The following SLC9B1 variants were observed in gnomAD, a reference collection of about 807,000 sequenced individuals.
SLC9B1 encodes the protein solute carrier family 9 member B1, also known as sodium/hydrogen exchanger 9B1.
A neutral mutation model predicts 51.7 loss-of-function variants in SLC9B1; 32 were observed. The ratio of observed to expected loss-of-function variants is 0.62; its 90% CI spans 0.47 to 0.83. The LOEUF (loss-of-function observed/expected upper bound fraction) is 0.83. SLC9B1 is among the 40% of genes least tolerant of loss of function. The probability of loss-of-function intolerance (pLI) is 0.00; values close to 1 mark genes in which losing one functional copy is unlikely to be tolerated. For synonymous variants in SLC9B1, 145 were observed against 212.7 expected (o/e 0.68, Z 2.77); for missense variants, 406 against 613.2 (o/e 0.66, Z 3.57).
chr4:102,981,463 T>C (rs1233057177), intron 3 of SLC9B1, among the ~76,000 whole-genome samples: 1 of 152,160 alleles, frequency 6.6e-6, no homozygotes, highest in African/African-American at 2.4e-5. Context: ...TTTGTACAAC[T>C]CCCACCTGCA....
chr4:102,959,420 T>A (rs993682946), intron 3 of SLC9B1, among the ~76,000 whole-genome samples: 2 of 152,204 alleles, frequency 1.3e-5, no homozygotes, highest in African/African-American at 4.8e-5. Context: ...AATGAACTAG[T>A]GAGCATGAAA....
intron 7 of SLC9B1, among the ~76,000 whole-genome samples, chr4:102,922,989 G>A (rs1259381347): frequency 6.6e-6 from 1 of 152,138 alleles, no homozygotes; most frequent in African/African-American, 2.4e-5. Context: ...ACAAAGAGGA[G>A]CTGGTACCAT....
At chr4:102,945,350 C>T in intron 5 of SLC9B1, 30 bp from the exon 6 acceptor site, 2 of 1,495,772 alleles carry the variant, frequency 1.3e-6, no homozygotes, top group South Asian at 2.9e-5. Flanking sequence ...CACTTAGATA[C>T]ATTTACAATG....
intron 6 of SLC9B1, among the ~76,000 whole-genome samples, chr4:102,933,580 C>T (rs1371689906): frequency 6.6e-6 from 1 of 152,122 alleles, no homozygotes; most frequent in Non-Finnish European, 1.5e-5. Context: ...AGCTGTATGC[C>T]TTCACTTAAG....
At chr4:102,930,673 T>TG (rs1173322789) in intron 7 of SLC9B1, among the ~76,000 whole-genome samples, 1 of 151,696 alleles carries the variant, frequency 6.6e-6, no homozygotes, top group Non-Finnish European at 1.5e-5. Flanking sequence ...CCTCCCAAAG[T>TG]GCTGGGATTA....
chr4:103,014,974 T>TA (rs1184866219), intron 1 of SLC9B1: 2 of 152,150 alleles, frequency 1.3e-5, no homozygotes, highest in African/African-American at 4.8e-5. Flanking sequence ...AATAAAAGCA[T>TA]AAAATGTAAG....
chr4:102,885,446 A>T lies in SLC9B1; in HGVS notation c.1333-118T>A, dbSNP rs1224310922. 1 of 1,603,362 alleles carries T rather than the reference A, an allele frequency of 6.2e-7. No homozygotes were observed. Among genetic ancestry groups the T allele is most frequent in the Admixed American group, 1.7e-5 (1 of 60,004 alleles). ...TTCTAAAACGGTAAGATGTCTGTTT[A>T]CGTGTACACTAAAATTTTGCAGTGC... On this transcript the variant is annotated intron_variant, in intron 11 of 11. Coordinates refer to the SLC9B1 transcript ENST00000394789.
At chr4:103,012,098 G>T (rs1030581741) in intron 1 of SLC9B1, among the ~76,000 whole-genome samples, 4 of 152,090 alleles carry the variant, frequency 2.6e-5, no homozygotes, top group Non-Finnish European at 4.4e-5. Context: ...CTTCCTTTTT[G>T]ATTATAAATT....
intron 3 of SLC9B1, among the ~76,000 whole-genome samples, chr4:102,968,159 T>C (rs1471428595): frequency 6.6e-6 from 1 of 152,198 alleles, no homozygotes; most frequent in Non-Finnish European, 1.5e-5. Flanking sequence ...GAGAGATAGA[T>C]AGATCAATGG....
At chr4:102,977,878 T>C (rs1739155950) in intron 3 of SLC9B1, among the ~76,000 whole-genome samples, 1 of 152,212 alleles carries the variant, frequency 6.6e-6, no homozygotes, top group Non-Finnish European at 1.5e-5. Context: ...TACATATGTA[T>C]ACATGTGCCA....
intron 3 of SLC9B1, among the ~76,000 whole-genome samples, chr4:102,982,120 T>C (rs926862702): frequency 6.6e-6 from 1 of 152,090 alleles, no homozygotes; most frequent in Admixed American, 6.6e-5. Flanking sequence ...TGCATCCATG[T>C]GGAGGTCCAT....
chr4:102,996,469 A>G (rs1414552988), intron 1 of SLC9B1, among the ~76,000 whole-genome samples: 2 of 152,094 alleles, frequency 1.3e-5, no homozygotes, highest in Admixed American at 1.3e-4. Context: ...GAGAATGTTT[A>G]TTCTCCTATA....
intron 11 of SLC9B1, chr4:102,887,727 T>C (rs1318764364): frequency 9.5e-6 from 2 of 210,232 alleles, no homozygotes; most frequent in Admixed American, 5.4e-5. Context: ...AATATCAATA[T>C]TTTCAACAGG....
At chr4:102,959,530 TA>T (rs147477866) in intron 3 of SLC9B1, among the ~76,000 whole-genome samples, 17,743 of 152,252 alleles carry the variant, frequency 0.12, 1,108 homozygotes, top group Admixed American at 0.16. Flanking sequence ...TGAGGAAAGA[TA>T]TTTTTTAGGA....
intron 3 of SLC9B1, among the ~76,000 whole-genome samples, chr4:102,968,597 A>G (rs1311717871): frequency 1.3e-5 from 2 of 152,260 alleles, no homozygotes; most frequent in African/African-American, 2.4e-5. Context: ...TCCTGTCTGC[A>G]GCTCTCAGCA....
intron 1 of SLC9B1, among the ~76,000 whole-genome samples, chr4:103,014,692 T>G (rs1302485956): frequency 6.6e-6 from 1 of 152,230 alleles, no homozygotes; most frequent in African/African-American, 2.4e-5. Flanking sequence ...AAATACATAC[T>G]AAATATTCTT....
chr4:102,898,466 T>A (rs545235859), downstream of SLC9B1, among the ~76,000 whole-genome samples: 11 of 152,330 alleles, frequency 7.2e-5, no homozygotes, highest in South Asian at 2.3e-3. Context: ...TAATAAAATA[T>A]AAAAATGCTG....
rs1195701361 is a variant in SLC9B1, at chr4:102,989,860, TTG to T, written c.149_150del (p.Thr50LysfsTer38). 1.2e-6 allele frequency: 2 copies of T among 1,603,636 alleles called. No individual in the cohort carries two copies. The highest frequency in any genetic ancestry group is 2.7e-5 in the African/African-American group (2 of 74,644). On this transcript the variant is annotated frameshift_variant, in exon 3 of 12. Transcript: ENST00000296422. LOFTEE classifies it high-confidence loss of function. ...LSDTEEIKPQTKKETYISCPL... is the reference protein window; with the variant it reads ...LSDTEEIKPQXKKETYISCPL... ...GGACAAGAAATGTATGTCTCCTTTT[TTG>T]TCTGTGGTTTTATTTCTTCTGTATC...
At chr4:102,992,432 C>G (rs896190595) in intron 1 of SLC9B1, among the ~76,000 whole-genome samples, 8 of 151,998 alleles carry the variant, frequency 5.3e-5, no homozygotes, top group Non-Finnish European at 2.9e-5. Flanking sequence ...TTTAGATAGT[C>G]TTATTACCAT....
Sources: allele counts gnomAD v4.1 joint callset (sites outside exome capture counted in the v4.1 genomes callset), GRCh38; gene constraint gnomAD v4.1.1; transcripts MANE v1.5; gene names NCBI Gene and HGNC (gene_info 2026-07-23, HGNC 2026-07-21).